The following TBX6 variants were observed in gnomAD, a reference collection of about 807,000 sequenced individuals.
TBX6 encodes T-box transcription factor TBX6.
A neutral mutation model predicts 42.3 loss-of-function variants in TBX6; 29 were observed. The observed-to-expected ratio is 0.69, with a 90% confidence interval of 0.51 to 0.93. The LOEUF (loss-of-function observed/expected upper bound fraction) is 0.93, where lower values mean the gene tolerates loss of function less well. Ranked by LOEUF, TBX6 falls within the 40% of genes least tolerant of loss-of-function variation. The pLI, the probability that TBX6 is intolerant of heterozygous loss-of-function variation, is 0.00. For missense variants in TBX6, 569 were observed against 603.3 expected, an observed-to-expected ratio of 0.94 and a Z score of 0.59; for synonymous variants, 249 against 245.1, an observed-to-expected ratio of 1.02 and a Z score of -0.15.
In TBX6 at chr16:30,088,458, T is replaced by G; in HGVS notation, c.839+87A>C. On this transcript the variant is annotated intron_variant, in intron 6 of 8. Transcript: ENST00000395224. This position sits in a 1 kb window ranked among gnomAD's most constrained non-coding sequence, Gnocchi z 4.1. ...GAATGTTTTCACTTACCACTGCATT[T>G]CTGATGTCCAGCACGGTGCCTGGCA... The G allele has an allele frequency of 6.4e-7, 1 of 1,572,590 alleles. No homozygotes were observed. The highest frequency in any genetic ancestry group is 8.7e-7 in the Non-Finnish European group (1 of 1,143,340).
Position 30,091,005 on chromosome 16 carries a change from G to A in TBX6, c.119-13C>T, listed in dbSNP as rs1331261966. 6.2e-7 allele frequency: 1 copy of A among 1,608,506 alleles called. No homozygotes were observed. On this transcript the variant is annotated splice_polypyrimidine_tract_variant and intron_variant, in intron 2 of 8. Coordinates refer to ENST00000395224, the MANE Select transcript of TBX6 (RefSeq NM_004608.4). ...GGGGTGTCCAGTTCTGGAAGCCGGG[G>A]AAGAATGAGGAGCCAGCCGAGGGCC... is the stretch of plus-strand genomic sequence containing the variant.
chr16:30,089,980 G>T (rs929864108), intron 3 of TBX6, among the ~76,000 whole-genome samples: 1 of 150,622 alleles, frequency 6.6e-6, no homozygotes, highest in African/African-American at 2.4e-5. Context: ...GAATCTTAGA[G>T]CTGGAAGGTT....
At chr16:30,090,695 C>T in intron 3 of TBX6, 63 bp downstream of exon 3, 1 of 1,522,616 alleles carries the variant, frequency 6.6e-7, no homozygotes, top group South Asian at 1.3e-5. Flanking sequence ...AGCCCCCTCC[C>T]CAGGGACTCT....
chr16:30,086,000 C>T lies in TBX6; in HGVS notation c.*225G>A, dbSNP rs571941840. The T allele has an allele frequency of 3.6e-5, 19 of 533,238 alleles. No homozygotes were observed. Among genetic ancestry groups the T allele is most frequent in the South Asian group, 1.9e-4 (8 of 41,780 alleles). 33.0% of individuals were successfully genotyped at this position (533,238 alleles called of 1,614,324 possible). A position where few individuals can be genotyped will look rare whatever the true frequency, so the allele number is the denominator to read the frequency against. ...CTTCCATTCACACGGAGGTGAGAGC[C>T]GGGAAGGGGAAGCCGGCCCCAGCTG... On this transcript the variant is annotated 3_prime_UTR_variant, in exon 9 of 9. Coordinates refer to ENST00000395224, the MANE Select transcript of TBX6 (RefSeq NM_004608.4).
At position 30,090,841 on chromosome 16, in the gene TBX6, C is replaced by A; in HGVS notation, c.270G>T (p.Gly90=). ...SAPEALHSLP[G]VSLSLENREL... ...CCCGGTTCTCCAGGCTCAGGCTGACCCCCGGGAGGGAATGGAGGGCCTCTG... is the reference window on the plus strand; with the variant it reads ...CCCGGTTCTCCAGGCTCAGGCTGACACCCGGGAGGGAATGGAGGGCCTCTG... The change falls in exon 3 of 9, where the codon GGG becomes GGT. Residue 90 remains glycine, a synonymous_variant. Coordinates refer to ENST00000395224, the MANE Select transcript of TBX6 (RefSeq NM_004608.4). The A allele has an allele frequency of 1.2e-6, 2 of 1,604,480 alleles. No homozygotes were observed. The highest frequency in any genetic ancestry group is 1.7e-6 in the Non-Finnish European group (2 of 1,174,540).
In TBX6 at chr16:30,087,435, C is replaced by A. The variant is rs2072653588; in HGVS notation, c.840-584G>T. On this transcript the variant is annotated intron_variant, in intron 6 of 8. Coordinates refer to ENST00000395224, the MANE Select transcript of TBX6 (RefSeq NM_004608.4). The stretch of plus-strand genomic sequence containing the variant: ...GCGCAAGTTCCTCAAGGAAGTCCTC[C>A]CTGACCTCCGAGAGCACACACCCCT... 2.0e-5 allele frequency among the ~76,000 whole-genome samples: 3 copies of A among 152,080 alleles called. No homozygotes were observed. In the South Asian group the frequency reaches 6.2e-4, roughly 32 times the overall value.
rs750047944 is a variant in TBX6, at chr16:30,086,481, G to A, written c.1097+31C>T. The A allele has an allele frequency of 1.3e-5, 19 of 1,484,506 alleles. No homozygotes were observed. Among genetic ancestry groups the A allele is most frequent in the Middle Eastern group, 1.9e-4 (1 of 5,234 alleles). 92.0% of individuals were successfully genotyped at this position (1,484,506 alleles called of 1,614,324 possible). On this transcript the variant is annotated intron_variant, in intron 8 of 8. Transcript: ENST00000395224. The surrounding 1 kb of genome is among the most constrained non-coding windows in gnomAD (Gnocchi z 4.6). ...ATGTCAGAGCAGGGCAGAGGGACCCGCAGCCCCGCCTGGTCCCCTGTCCCA... is the reference window on the plus strand; with the variant it reads ...ATGTCAGAGCAGGGCAGAGGGACCCACAGCCCCGCCTGGTCCCCTGTCCCA...
intron 3 of TBX6, 63 bp from the exon 4 acceptor site, chr16:30,089,273 C>T (rs899776736): frequency 3.2e-6 from 5 of 1,559,444 alleles, no homozygotes; most frequent in East Asian, 4.5e-5. Context: ...GGGCCCAGCA[C>T]CAGTAACGGG....
chr16:30,086,599 G>A lies in TBX6; in HGVS notation c.1010C>T (p.Pro337Leu), dbSNP rs149105120. 5.0e-4 allele frequency: 796 copies of A among 1,579,242 alleles called. 3 individuals are homozygous for A. In the African/African-American group the frequency reaches 9.5e-3, roughly 19 times the overall value. Residue 337 changes from proline to leucine, a missense_variant, in exon 8 of 9, where the codon CCG (proline) becomes CTG (leucine). By Grantham distance (98) the Pro-to-Leu change is moderately conservative. Coordinates refer to ENST00000395224, the MANE Select transcript of TBX6 (RefSeq NM_004608.4). This position sits in a 1 kb window ranked among gnomAD's most constrained non-coding sequence, Gnocchi z 4.6. ...ACTGGGGCCACCACACAGAGGTGCCGGGGCAGCGGTGGCTTCCCCGGGGGC... is the reference window on the plus strand; with the variant it reads ...ACTGGGGCCACCACACAGAGGTGCCAGGGCAGCGGTGGCTTCCCCGGGGGC... Reference protein sequence around the residue: ...APAPGEATAAPAPLCGGPSAE... With the variant: ...APAPGEATAALAPLCGGPSAE...
rs1490038809 is a variant in TBX6, at chr16:30,091,150, T to C, written c.44A>G (p.Tyr15Cys). The change falls in exon 2 of 9, where the codon TAC becomes TGC. Residue 15 changes from tyrosine to cysteine, a missense_variant. Physicochemically the swap from Tyr to Cys is radical, Grantham distance 194. Transcript: ENST00000395224. Reference sequence around the variant, plus strand: ...CCCAGGTTGGGCGGGCCCCAGGCGGTAGCCGGCCCCCAGGGACGGGTACAA... The same window carrying C: ...CCCAGGTTGGGCGGGCCCCAGGCGGCAGCCGGCCCCCAGGGACGGGTACAA... ...RELYPSLGAG[Y>C]RLGPAQPGAD... 8 of 1,595,226 alleles carry C rather than the reference T, an allele frequency of 5.0e-6. No homozygotes were observed. In the Admixed American group the frequency reaches 1.4e-4, roughly 28 times the overall value.
chr16:30,086,462 GAGCAGGGCAGAGGGACCCGC>G lies in TBX6; in HGVS notation c.1097+30_1098-25del. ...TCCTGACATGGAGAGAGGGATGTCA[GAGCAGGGCAGAGGGACCCGC>G]AGCCCCGCCTGGTCCCCTGTCCCAC... On this transcript the variant is annotated intron_variant, in intron 8 of 8. Transcript: ENST00000395224. The surrounding 1 kb of genome is among the most constrained non-coding windows in gnomAD (Gnocchi z 4.6). The G allele has an allele frequency of 6.7e-7, 1 of 1,491,890 alleles. No homozygotes were observed. Among genetic ancestry groups the G allele is most frequent in the Non-Finnish European group, 8.9e-7 (1 of 1,124,606 alleles). 92.4% of individuals were successfully genotyped at this position (1,491,890 alleles called of 1,614,324 possible). A position where few individuals can be genotyped will look rare whatever the true frequency, so the allele number is the denominator to read the frequency against.
rs1378598505 is a variant in TBX6 at position 30,088,821 on chromosome 16, G to T, written c.640C>A (p.His214Asn). 6.2e-7 allele frequency: 1 copy of T among 1,614,012 alleles called. No individual in the cohort carries two copies. The highest frequency in any genetic ancestry group is 8.5e-7 in the Non-Finnish European group (1 of 1,179,986). The change falls in exon 5 of 9, where the codon CAC (histidine) becomes AAC (asparagine). Residue 214 changes from histidine to asparagine, a missense_variant. This residue lies in a region of TBX6 where 190 missense variants were observed against 250.6 expected (regional missense o/e 0.76). Transcript: ENST00000395224. The surrounding 1 kb of genome is among the most constrained non-coding windows in gnomAD (Gnocchi z 4.1). ...AGGTGTATGCGGGGTTGGTACTTGT[G>T]CATGGAGTGCAGGATCAGCTGGGAG... is the stretch of plus-strand genomic sequence containing the variant. ...PHGHLILHSM[H>N]KYQPRIHLVR...
Position 30,088,868 on chromosome 16 carries a change from C to T in TBX6, c.622-29G>A. ...GGAGGGAGGAAATGGGAGTGATTCCCTGCCCTGCGCCTCACCCTTGGCCTC... is the reference window on the plus strand; with the variant it reads ...GGAGGGAGGAAATGGGAGTGATTCCTTGCCCTGCGCCTCACCCTTGGCCTC... On this transcript the variant is annotated intron_variant, in intron 4 of 8. Coordinates refer to ENST00000395224, the MANE Select transcript of TBX6 (RefSeq NM_004608.4). This position sits in a 1 kb window ranked among gnomAD's most constrained non-coding sequence, Gnocchi z 4.1. The T allele has an allele frequency of 1.2e-6, 2 of 1,609,300 alleles. No individual in the cohort carries two copies. Among genetic ancestry groups the T allele is most frequent in the Non-Finnish European group, 1.7e-6 (2 of 1,176,244 alleles).
At position 30,088,356 on chromosome 16, in the gene TBX6, T is replaced by G; in HGVS notation, c.839+189A>C. The G allele has an allele frequency of 1.2e-6, 1 of 802,338 alleles. No individual in the cohort carries two copies. The highest frequency in any genetic ancestry group is 2.0e-6 in the Non-Finnish European group (1 of 501,672). 49.7% of individuals were successfully genotyped at this position (802,338 alleles called of 1,614,324 possible). A position where few individuals can be genotyped will look rare whatever the true frequency, so the allele number is the denominator to read the frequency against. ...AGGGCCGGGGCTTTGGTTTGCTTTG[T>G]TTGTTTTATCTCCAGTGCCTGGAAC... On this transcript the variant is annotated intron_variant, in intron 6 of 8. Transcript: ENST00000395224. This position sits in a 1 kb window ranked among gnomAD's most constrained non-coding sequence, Gnocchi z 4.1.
At chr16:30,087,659 T>C (rs1428048032) in intron 6 of TBX6, among the ~76,000 whole-genome samples, 2 of 152,102 alleles carry the variant, frequency 1.3e-5, no homozygotes, top group African/African-American at 4.8e-5. Flanking sequence ...GCCTGACTCT[T>C]AGTCACTCCA....
chr16:30,090,750 C>A lies in TBX6; in HGVS notation c.353+8G>T. 6.2e-7 allele frequency: 1 copy of A among 1,609,654 alleles called. No individual in the cohort carries two copies. ...CACCAGAAACACGGACCCTGGCCAG[C>A]CCCTCACCTCCCAGCTTTGGTGATG... On this transcript the variant is annotated splice_region_variant and intron_variant, in intron 3 of 8. Transcript: ENST00000395224.
rs1567341516 is a variant in TBX6, at chr16:30,088,788, C to T, written c.673G>A (p.Ala225Thr). ...KYQPRIHLVRAAQLCSQHWGG... is the reference protein window; with the variant it reads ...KYQPRIHLVRTAQLCSQHWGG... Reference sequence around the variant, plus strand: ...CAGTGCTGGCTGCAGAGCTGGGCTGCCCGAACTAGGTGTATGCGGGGTTGG... The same window carrying T: ...CAGTGCTGGCTGCAGAGCTGGGCTGTCCGAACTAGGTGTATGCGGGGTTGG... Residue 225 changes from alanine to threonine, a missense_variant, in exon 5 of 9, where the codon GCA becomes ACA. This residue lies in a region of TBX6 where 190 missense variants were observed against 250.6 expected (regional missense o/e 0.76). Transcript: ENST00000395224. The surrounding 1 kb of genome is among the most constrained non-coding windows in gnomAD (Gnocchi z 4.1). 6.2e-7 allele frequency: 1 copy of T among 1,614,038 alleles called. No homozygotes were observed. Among genetic ancestry groups the T allele is most frequent in the South Asian group, 1.1e-5 (1 of 91,082 alleles).
In TBX6 at chr16:30,086,915, T is replaced by C. The variant is rs2072643851; in HGVS notation, c.840-64A>G. 3 of 1,559,174 alleles carry C rather than the reference T, an allele frequency of 1.9e-6. No individual in the cohort carries two copies. Among genetic ancestry groups the C allele is most frequent in the Non-Finnish European group, 2.6e-6 (3 of 1,151,724 alleles). On this transcript the variant is annotated intron_variant, in intron 6 of 8. Transcript: ENST00000395224. The surrounding 1 kb of genome is among the most constrained non-coding windows in gnomAD (Gnocchi z 4.6). The stretch of plus-strand genomic sequence containing the variant: ...TGGCCATGGTGATGGTAACAGTACT[T>C]ACCCGGTGCCAGGCATTTCACCCTC...
Position 30,089,114 on chromosome 16 carries a change from G to A in TBX6, c.450C>T (p.Arg150=), listed in dbSNP as rs2072684778. ...CCCAGCGCCGGCCCTGCCAGCGGTA[G>A]CGAGCCCCATCCACCGGAATCACAT... The part of the protein sequence containing the change: ...LLDVIPVDGA[R]YRWQGRRWEP... The change falls in exon 4 of 9, where the codon CGC becomes CGT. Residue 150 remains arginine (R), a synonymous_variant. Transcript: ENST00000395224. The A allele has an allele frequency of 6.2e-7, 1 of 1,613,900 alleles. No homozygotes were observed. The highest frequency in any genetic ancestry group is 1.1e-5 in the South Asian group (1 of 91,086).
Sources: gnomAD v4.1 joint callset for allele counts (sites outside exome capture counted in the v4.1 genomes callset) on GRCh38, gnomAD v4.1.1 for gene constraint, gnomAD v4.1.1 regional missense constraint, Gnocchi (gnomAD v3.1) non-coding constraint, MANE v1.5 for transcripts, NCBI Gene and HGNC (gene_info 2026-07-23, HGNC 2026-07-21) for gene names.